LRRC37A2: variants seen among roughly 807,000 people sequenced by gnomAD.
The protein encoded by LRRC37A2 is leucine-rich repeat-containing protein 37A2.
A neutral mutation model predicts 68.8 loss-of-function variants in LRRC37A2; 9 were observed. The ratio of observed to expected loss-of-function variants is 0.13; its 90% CI spans 0.08 to 0.23. The LOEUF (loss-of-function observed/expected upper bound fraction) is 0.23, where lower values mean the gene tolerates loss of function less well. Ranked by LOEUF, LRRC37A2 falls within the 10% of genes least tolerant of loss-of-function variation. The pLI is 1.00. For synonymous variants in LRRC37A2, 63 were observed against 367.6 expected, an observed-to-expected ratio of 0.17 and a Z score of 9.48; for missense variants, 168 against 950.4, an observed-to-expected ratio of 0.18 and a Z score of 10.82.
chr17:47,022,741 T>G, the LRRC37A2 span, among the ~76,000 whole-genome samples: 9 of 152,228 alleles, frequency 5.9e-5, no homozygotes, highest in South Asian at 2.1e-4. Context: ...TCCCAGTACT[T>G]AGAGGGTCAC....
chr17:46,583,520 C>T, the LRRC37A2 span, among the ~76,000 whole-genome samples: 4 of 77,802 alleles, frequency 5.1e-5, 1 homozygote, highest in Admixed American at 1.3e-4. Flanking sequence ...TCGTCTCGAA[C>T]TCCTGACCTT....
At chr17:47,011,512 A>C in the LRRC37A2 span, among the ~76,000 whole-genome samples, 2 of 149,958 alleles carry the variant, frequency 1.3e-5, no homozygotes, top group African/African-American at 4.9e-5. Context: ...AGATTCTACC[A>C]CTGTACTCCA....
the LRRC37A2 span, among the ~76,000 whole-genome samples, chr17:47,012,649 G>A: frequency 7.6e-4 from 115 of 152,232 alleles, 1 homozygote; most frequent in African/African-American, 2.6e-3. Context: ...TAACCATCCA[G>A]GAAATGCAAA....
chr17:46,771,624 C>T, the LRRC37A2 span, among the ~76,000 whole-genome samples: 1 of 146,564 alleles, frequency 6.8e-6, no homozygotes, highest in Non-Finnish European at 1.5e-5. Flanking sequence ...ACCGCATTAC[C>T]CGCATAATGC....
At chr17:47,009,144 A>G in the LRRC37A2 span, among the ~76,000 whole-genome samples, 1,510 of 152,150 alleles carry the variant, frequency 9.9e-3, 28 homozygotes, top group African/African-American at 0.035. Flanking sequence ...AAAAAAAAAA[A>G]GCAAAGAAAT....
chr17:46,761,774 G>T, the LRRC37A2 span, among the ~76,000 whole-genome samples: 1 of 152,232 alleles, frequency 6.6e-6, no homozygotes, highest in Non-Finnish European at 1.5e-5. Context: ...TTATGGGTAG[G>T]TCTGAAAACT....
the LRRC37A2 span, among the ~76,000 whole-genome samples, chr17:46,899,817 T>G: frequency 7.9e-5 from 12 of 152,194 alleles, no homozygotes; most frequent in Middle Eastern, 3.4e-3. Flanking sequence ...GCTAGGAGAT[T>G]GTGTTAAGCA....
At chr17:47,014,864 A>G in the LRRC37A2 span, among the ~76,000 whole-genome samples, 1 of 152,086 alleles carries the variant, frequency 6.6e-6, no homozygotes, top group Admixed American at 6.6e-5. Flanking sequence ...CTTGGGTGGA[A>G]TATTTTGCCG....
chr17:46,779,103 A>ACACACACACACCCCCCC, the LRRC37A2 span, among the ~76,000 whole-genome samples: 21 of 133,648 alleles, frequency 1.6e-4, 1 homozygote, highest in East Asian at 5.1e-4. Flanking sequence ...ACACACACAC[A>ACACACACACACCCCCCC]CCCCAGCCCA....
chr17:46,768,680 G>C, the LRRC37A2 span: 1 of 1,614,154 alleles, frequency 6.2e-7, no homozygotes, highest in South Asian at 1.1e-5. This position sits in a 1 kb window ranked among gnomAD's most constrained non-coding sequence, Gnocchi z 5.0. Context: ...TGTCATACTT[G>C]TCCTTGAGGA....
At chr17:47,048,453 C>G in the LRRC37A2 span, among the ~76,000 whole-genome samples, 1 of 119,334 alleles carries the variant, frequency 8.4e-6, no homozygotes, top group South Asian at 3.3e-4. Flanking sequence ...TAATGTTTAT[C>G]CAGAAACTGT....
chr17:46,877,946 T>A, the LRRC37A2 span, among the ~76,000 whole-genome samples: 1 of 152,176 alleles, frequency 6.6e-6, no homozygotes, highest in Admixed American at 6.5e-5. Context: ...GACGTGACTT[T>A]GATAATTTCC....
At chr17:47,029,036 G>A in the LRRC37A2 span, among the ~76,000 whole-genome samples, 1 of 152,050 alleles carries the variant, frequency 6.6e-6, no homozygotes, top group Non-Finnish European at 1.5e-5. Context: ...AAAATTAGCA[G>A]GTCATGGTGG....
the LRRC37A2 span, chr17:46,916,758 A>C: frequency 5.3e-5 from 8 of 152,348 alleles, no homozygotes; most frequent in Admixed American, 5.2e-4. Context: ...CACACTGGGT[A>C]ATGTTTAAAG....
At chr17:46,492,998 GTTTTT>G in the LRRC37A2 span, among the ~76,000 whole-genome samples, 1 of 130,120 alleles carries the variant, frequency 7.7e-6, no homozygotes, top group Non-Finnish European at 1.6e-5. Flanking sequence ...CTGGCCTCAA[GTTTTT>G]TTTTTTTTTT....
chr17:47,005,618 T>C, the LRRC37A2 span: 1 of 152,200 alleles, frequency 6.6e-6, no homozygotes, highest in South Asian at 2.1e-4. Flanking sequence ...GGTTTCTTTT[T>C]TCTTTTGTGT....
At chr17:46,836,095 C>CGTATGTGTGTGTGT in the LRRC37A2 span, among the ~76,000 whole-genome samples, 3 of 126,434 alleles carry the variant, frequency 2.4e-5, no homozygotes, top group Non-Finnish European at 3.2e-5. Context: ...GAGACGCTGA[C>CGTATGTGTGTGTGT]GTGTGTGTGT....
chr17:46,839,961 TTTC>T, the LRRC37A2 span, among the ~76,000 whole-genome samples: 2 of 141,450 alleles, frequency 1.4e-5, no homozygotes, highest in South Asian at 2.2e-4. Flanking sequence ...TCTTTCTTTC[TTTC>T]TTTCTTTCTT....
At chr17:46,925,174 A>G in the LRRC37A2 span, among the ~76,000 whole-genome samples, 4,956 of 152,330 alleles carry the variant, frequency 0.033, 134 homozygotes, top group Middle Eastern at 0.11. Flanking sequence ...TCTGTGGGCT[A>G]TACGGTCTCT....
Sources: allele counts gnomAD v4.1 joint callset (sites outside exome capture counted in the v4.1 genomes callset), GRCh38; gene constraint gnomAD v4.1.1; non-coding constraint Gnocchi (gnomAD v3.1); transcripts MANE v1.5; gene names NCBI Gene and HGNC (gene_info 2026-07-23, HGNC 2026-07-21).